ADAM22: variants seen among roughly 807,000 people sequenced by gnomAD.
ADAM22 encodes disintegrin and metalloproteinase domain-containing protein 22.
Under a neutral mutation model 144.6 loss-of-function variants are expected in ADAM22, and 65 were observed. The observed-to-expected ratio is 0.45, with a 90% CI of 0.37 to 0.55. ADAM22 has a LOEUF of 0.55. ADAM22 is among the 20% of genes least tolerant of loss of function. ADAM22 has a pLI of 0.00. For synonymous variants in ADAM22, 391 were observed against 412.6 expected, an observed-to-expected ratio of 0.95 and a Z score of 0.63; for missense variants, 974 against 1,184.9, an observed-to-expected ratio of 0.82 and a Z score of 2.61.
intron 4 of ADAM22, among the ~76,000 whole-genome samples, chr7:88,092,544 C>G (rs1293381861): frequency 1.3e-5 from 2 of 152,200 alleles, no homozygotes; most frequent in African/African-American, 2.4e-5. Flanking sequence ...GCATTTCCCC[C>G]CTGGCAGGCT....
intron 2 of ADAM22, among the ~76,000 whole-genome samples, chr7:87,956,794 T>C (rs967106435): frequency 1.3e-5 from 2 of 152,308 alleles, no homozygotes; most frequent in African/African-American, 4.8e-5. Flanking sequence ...TCGTGAGTAG[T>C]GTTTCATTAT....
chr7:88,174,246 G>T (rs147346719), intron 26 of ADAM22, among the ~76,000 whole-genome samples: 23 of 152,286 alleles, frequency 1.5e-4, no homozygotes, highest in African/African-American at 4.3e-4. Context: ...TTGACAAACA[G>T]ATGTGAAGCA....
intron 3 of ADAM22, among the ~76,000 whole-genome samples, chr7:88,024,213 G>C (rs1319449731): frequency 6.6e-6 from 1 of 152,092 alleles, no homozygotes; most frequent in Non-Finnish European, 1.5e-5. Context: ...CTAACAATGG[G>C]ATTTCTGGAT....
At chr7:87,956,256 A>G (rs373336676) in intron 2 of ADAM22, among the ~76,000 whole-genome samples, 2 of 152,080 alleles carry the variant, frequency 1.3e-5, no homozygotes, top group African/African-American at 4.8e-5. Flanking sequence ...AGCTGTTCCT[A>G]TTTGGCCATC....
intron 3 of ADAM22, among the ~76,000 whole-genome samples, chr7:88,027,098 T>C (rs1369466337): frequency 2.0e-5 from 3 of 152,250 alleles, no homozygotes; most frequent in African/African-American, 7.2e-5. Context: ...TTGTGATGAA[T>C]GACCTTTTTA....
chr7:88,171,423 C>A (rs1844277769), intron 25 of ADAM22, 121 bp from the exon 26 acceptor site: 2 of 804,954 alleles, frequency 2.5e-6, no homozygotes, highest in Middle Eastern at 2.6e-4. Context: ...AATTCAGAAT[C>A]CTCTAGTGAA....
At chr7:88,148,324 G>A (rs1001100362) in intron 17 of ADAM22, among the ~76,000 whole-genome samples, 2 of 152,150 alleles carry the variant, frequency 1.3e-5, no homozygotes, top group African/African-American at 4.8e-5. Flanking sequence ...TCATTTTAAT[G>A]AGTACTCCTG....
chr7:87,944,818 T>G (rs1164389316), intron 2 of ADAM22, among the ~76,000 whole-genome samples: 5 of 41,086 alleles, frequency 1.2e-4, no homozygotes, highest in South Asian at 4.5e-4. Flanking sequence ...AAACTTGTGT[T>G]TTTTTTTTTT....
At chr7:88,033,692 C>T (rs1373455371) in intron 3 of ADAM22, among the ~76,000 whole-genome samples, 1 of 152,188 alleles carries the variant, frequency 6.6e-6, no homozygotes, top group Non-Finnish European at 1.5e-5. Context: ...AGATCAGGAC[C>T]TGGAGTCAGA....
At chr7:88,145,002 A>G (rs1390288496) in intron 15 of ADAM22, 123 bp from the exon 16 acceptor site, 1 of 759,990 alleles carries the variant, frequency 1.3e-6, no homozygotes, top group Admixed American at 3.2e-5. Context: ...AGTTTAGGAA[A>G]ATAAAACTAT....
chr7:88,096,148 C>G (rs553153057), intron 4 of ADAM22, among the ~76,000 whole-genome samples: 3 of 152,174 alleles, frequency 2.0e-5, no homozygotes, highest in South Asian at 2.1e-4. Context: ...GTCTCGAACT[C>G]CTGACCTCAA....
At chr7:88,135,802 A>G (rs1204434304) in intron 13 of ADAM22, among the ~76,000 whole-genome samples, 178 bp from the exon 14 acceptor site, 1 of 152,204 alleles carries the variant, frequency 6.6e-6, no homozygotes, top group Non-Finnish European at 1.5e-5. Context: ...ATAGGGTCAA[A>G]GTATATTTTT....
At chr7:88,080,194 A>C (rs538287345) in intron 4 of ADAM22, among the ~76,000 whole-genome samples, 16 of 152,258 alleles carry the variant, frequency 1.1e-4, no homozygotes, top group Admixed American at 9.2e-4. Context: ...TAAGAAACTC[A>C]CTCAAAACCG....
chr7:87,935,664 C>G (rs1010486272), intron 2 of ADAM22, among the ~76,000 whole-genome samples: 2 of 152,170 alleles, frequency 1.3e-5, no homozygotes, highest in Non-Finnish European at 2.9e-5. Context: ...ACAAGCTGAA[C>G]TTTAAGGTTC....
chr7:88,171,090 T>C (rs1375536080), intron 25 of ADAM22, among the ~76,000 whole-genome samples: 1 of 152,012 alleles, frequency 6.6e-6, no homozygotes, highest in East Asian at 1.9e-4. Context: ...TTCCCCTATT[T>C]GAAATTCTTA....
chr7:87,994,921 G>A lies in ADAM22; in HGVS notation c.323+16509G>A, dbSNP rs369106315. ...CCGCTCACTGCAAGCTCCGCCTCCC[G>A]GGTTCACGCCATCCTCCTGCCTCAG... On this transcript the variant is annotated intron_variant, in intron 3 of 31. Coordinates refer to ENST00000413139, the MANE Select transcript of ADAM22 (RefSeq NM_001324418.2). Among the ~76,000 whole-genome samples, 4 of 151,880 alleles carry A rather than the reference G, an allele frequency of 2.6e-5. 1 individual carries two copies. Among genetic ancestry groups the A allele is most frequent in the East Asian group, 1.9e-4 (1 of 5,146 alleles).
chr7:88,185,670 G>T (rs1369329897), intron 29 of ADAM22, among the ~76,000 whole-genome samples: 3 of 152,080 alleles, frequency 2.0e-5, no homozygotes, highest in African/African-American at 7.2e-5. Flanking sequence ...ATTTTTGCTT[G>T]GCTCCCAGGG....
At chr7:88,130,501 A>G (rs1391463607) in intron 10 of ADAM22, 42 bp downstream of exon 10, 2 of 1,543,306 alleles carry the variant, frequency 1.3e-6, no homozygotes, top group South Asian at 2.3e-5. Flanking sequence ...GAAGATTCTT[A>G]TTTCCTAATT....
At position 88,114,769 on chromosome 7, in the gene ADAM22, A is replaced by G. The variant is rs374539179; in HGVS notation, c.537+122A>G. On this transcript the variant is annotated intron_variant, in intron 6 of 31. Transcript: ENST00000413139. ...ATTTTTTAGGGTTAAGATAGTAAAC[A>G]TATGTACAGATGCTCCTCAACTTAT... 581 of 801,216 alleles carry G rather than the reference A, an allele frequency of 7.3e-4. 7 individuals are homozygous for G. In the South Asian group the frequency reaches 0.01, roughly 14 times the overall value. 49.6% of individuals were successfully genotyped at this position (801,216 alleles called of 1,614,324 possible). A position where few individuals can be genotyped will look rare whatever the true frequency, so the allele number is the denominator to read the frequency against.
Sources: gnomAD v4.1 joint callset for allele counts (sites outside exome capture counted in the v4.1 genomes callset) on GRCh38, gnomAD v4.1.1 for gene constraint, MANE v1.5 for transcripts, NCBI Gene and HGNC (gene_info 2026-07-23, HGNC 2026-07-21) for gene names.